The following MINDY3 variants were observed in gnomAD, a reference collection of about 807,000 sequenced individuals.
MINDY3 encodes the protein ubiquitin carboxyl-terminal hydrolase MINDY-3.
A neutral mutation model predicts 69.2 loss-of-function variants in MINDY3; 38 were observed. The ratio of observed to expected loss-of-function variants is 0.55; its 90% CI spans 0.42 to 0.72. The LOEUF is 0.72. Among genes scored for constraint, MINDY3 ranks in the 30% least tolerant of loss-of-function variants. The pLI, the probability that MINDY3 is intolerant of heterozygous loss-of-function variation, is 0.00. For synonymous variants in MINDY3, 192 were observed against 180.1 expected, an observed-to-expected ratio of 1.07 and a Z score of -0.53; for missense variants, 522 against 519.0, an observed-to-expected ratio of 1.01 and a Z score of -0.06.
intron 10 of MINDY3, among the ~76,000 whole-genome samples, chr10:15,816,416 T>C (rs569491423): frequency 1.1e-4 from 17 of 152,212 alleles, no homozygotes; most frequent in African/African-American, 3.4e-4. Context: ...TTTAATACCA[T>C]TGAATTATTA....
chr10:15,810,187 C>T (rs1008912627), intron 10 of MINDY3, among the ~76,000 whole-genome samples: 2 of 152,074 alleles, frequency 1.3e-5, no homozygotes, highest in African/African-American at 4.8e-5. Context: ...TAAGTAAATA[C>T]TTTGGCACTG....
At chr10:15,801,046 G>A (rs1838221932) in intron 10 of MINDY3, among the ~76,000 whole-genome samples, 1 of 152,178 alleles carries the variant, frequency 6.6e-6, no homozygotes, top group Non-Finnish European at 1.5e-5. Flanking sequence ...AAATATCAAG[G>A]TAACAGGAGA....
chr10:15,829,487 A>G (rs1840311341), intron 8 of MINDY3, among the ~76,000 whole-genome samples: 1 of 152,146 alleles, frequency 6.6e-6, no homozygotes, highest in Admixed American at 6.5e-5. Context: ...GAACCAGTGG[A>G]TTAAAGCACT....
chr10:15,840,831 T>C (rs1833417545), intron 4 of MINDY3, among the ~76,000 whole-genome samples: 1 of 151,638 alleles, frequency 6.6e-6, no homozygotes, highest in Admixed American at 6.6e-5. Flanking sequence ...AACCACAGAA[T>C]ATATAATTTT....
At chr10:15,789,671 A>G (rs1837266320) in intron 11 of MINDY3, among the ~76,000 whole-genome samples, 1 of 152,164 alleles carries the variant, frequency 6.6e-6, no homozygotes, top group Non-Finnish European at 1.5e-5. Context: ...AAACCTTTAC[A>G]TTTGCATTTA....
At chr10:15,829,441 T>C (rs1840309382) in intron 8 of MINDY3, among the ~76,000 whole-genome samples, 1 of 152,190 alleles carries the variant, frequency 6.6e-6, no homozygotes, top group African/African-American at 2.4e-5. Context: ...GATTTTAAAT[T>C]TCTCCTAGTT....
rs941423713 is a variant in MINDY3 at position 15,860,431 on chromosome 10, A to T, written c.-132T>A. Reference sequence around the variant, plus strand: ...TTGGAAGGTGAGGCAGGAAAGAAGAAGGGGCTGAGAGCCACTTGCAGAGAC... The same window carrying T: ...TTGGAAGGTGAGGCAGGAAAGAAGATGGGGCTGAGAGCCACTTGCAGAGAC... On this transcript the variant is annotated 5_prime_UTR_variant, in exon 1 of 15. Transcript: ENST00000277632. The T allele has an allele frequency of 1.3e-5, 9 of 719,384 alleles. No individual in the cohort carries two copies. In the Admixed American group the frequency reaches 2.0e-4, roughly 16 times the overall value. The allele number at this position is 719,384 out of a possible 1,614,324, so 44.6% of individuals were successfully genotyped here.
intron 10 of MINDY3, among the ~76,000 whole-genome samples, chr10:15,806,533 C>G (rs1838652119): frequency 6.6e-6 from 1 of 152,084 alleles, no homozygotes; most frequent in Non-Finnish European, 1.5e-5. Flanking sequence ...AAAATTTTAT[C>G]ACAGCTGTGC....
At chr10:15,788,985 T>G (rs1837200935) in intron 12 of MINDY3, 1 of 292,896 alleles carries the variant, frequency 3.4e-6, no homozygotes, top group Non-Finnish European at 6.5e-6. Context: ...CAGAGAAACT[T>G]TTTAAAGTTT....
At chr10:15,859,470 A>C (rs1294069901) in intron 1 of MINDY3, among the ~76,000 whole-genome samples, 2 of 152,174 alleles carry the variant, frequency 1.3e-5, no homozygotes, top group African/African-American at 4.8e-5. Context: ...ACTAGTATAA[A>C]GCGCCCAGCC....
intron 10 of MINDY3, among the ~76,000 whole-genome samples, chr10:15,800,341 TAA>T (rs1473344788): frequency 2.6e-5 from 4 of 152,054 alleles, no homozygotes; most frequent in African/African-American, 9.7e-5. Context: ...TAAACGAATG[TAA>T]AGATGCAGTA....
At chr10:15,831,865 G>A (rs918514486) in intron 8 of MINDY3, among the ~76,000 whole-genome samples, 2 of 151,888 alleles carry the variant, frequency 1.3e-5, no homozygotes, top group East Asian at 1.9e-4. Context: ...TAGTAGAGAC[G>A]GGGTTTCACT....
chr10:15,849,410 G>C (rs1257804218), intron 1 of MINDY3, among the ~76,000 whole-genome samples: 2 of 151,564 alleles, frequency 1.3e-5, no homozygotes, highest in African/African-American at 4.8e-5. Context: ...TTAACCAGCA[G>C]AGATCTTTCA....
chr10:15,847,246 G>A (rs896000000), intron 2 of MINDY3, among the ~76,000 whole-genome samples: 1 of 152,114 alleles, frequency 6.6e-6, no homozygotes, highest in South Asian at 2.1e-4. Context: ...TAGCGAATCA[G>A]CCTTTGAAAT....
chr10:15,819,062 C>A (rs969569496), intron 9 of MINDY3, among the ~76,000 whole-genome samples: 1 of 152,030 alleles, frequency 6.6e-6, no homozygotes, highest in African/African-American at 2.4e-5. Context: ...TGGGTTTGTA[C>A]GTGTGTGTTG....
At chr10:15,786,687 A>C (rs576152931) in intron 12 of MINDY3, 39 bp from the exon 13 acceptor site, 2 of 1,005,740 alleles carry the variant, frequency 2.0e-6, no homozygotes, top group South Asian at 1.5e-5. Context: ...ATACCAGAGG[A>C]AAAAAAAAAG....
intron 10 of MINDY3, among the ~76,000 whole-genome samples, chr10:15,797,105 A>G (rs934487288): frequency 1.3e-5 from 2 of 152,060 alleles, no homozygotes; most frequent in Non-Finnish European, 2.9e-5. Context: ...TTTGCAAGAA[A>G]TGTACTTCTT....
At chr10:15,841,119 C>G (rs756549784) in intron 4 of MINDY3, among the ~76,000 whole-genome samples, 2 of 151,174 alleles carry the variant, frequency 1.3e-5, no homozygotes, top group African/African-American at 2.4e-5. Context: ...GCATCTGAAA[C>G]TGAAGCATAT....
At chr10:15,789,198 T>C (rs1359450186) in intron 12 of MINDY3, 49 bp downstream of exon 12, 4 of 1,463,126 alleles carry the variant, frequency 2.7e-6, no homozygotes, top group Non-Finnish European at 3.8e-6. Context: ...GTCTTAAACT[T>C]AATCGAATCT....
Sources: gnomAD v4.1 joint callset for allele counts (sites outside exome capture counted in the v4.1 genomes callset) on GRCh38, gnomAD v4.1.1 for gene constraint, MANE v1.5 for transcripts, NCBI Gene and HGNC (gene_info 2026-07-23, HGNC 2026-07-21) for gene names.